Variants in TNC observed in about 807,000 individuals in gnomAD.
The protein encoded by TNC is tenascin.
A neutral mutation model predicts 202.4 loss-of-function variants in TNC; 109 were observed. The observed-to-expected ratio is 0.54, with a 90% confidence interval of 0.46 to 0.63. TNC has a LOEUF of 0.63. TNC is among the 30% of genes least tolerant of loss of function. TNC has a pLI of 0.00. For missense variants in TNC, 2,756 were observed against 2,833.3 expected (o/e 0.97, Z 0.62); for synonymous variants, 1,007 against 1,089.7 (o/e 0.92, Z 1.50).
rs1458561587 is a variant in TNC at position 115,087,100 on chromosome 9, A to G, written c.631T>C (p.Phe211Leu). 3.7e-6 allele frequency: 6 copies of G among 1,614,240 alleles called. No homozygotes were observed. The highest frequency in any genetic ancestry group is 4.2e-6 in the Non-Finnish European group (5 of 1,180,048). Residue 211 changes from phenylalanine to leucine, a missense_variant, in exon 3 of 28, where the codon TTC becomes CTC. Transcript: ENST00000350763. ...IDGQCICDDG[F>L]TGEDCSQLAC... ...AGCTGGCTGCAGTCCTCGCCCGTGA[A>G]GCCGTCGTCACAGATGCACTGCCCA...
chr9:115,064,710 C>G lies in TNC; in HGVS notation c.3424G>C (p.Val1142Leu). Residue 1142 changes from valine to leucine, a missense_variant, in exon 11 of 28, where the codon GTC (valine) becomes CTC (leucine). By Grantham distance (32) the Val-to-Leu change is conservative (BLOSUM62 1). Transcript: ENST00000350763. ...PGLKAATPYT[V>L]SIYGVIQGYR... ...CCCTGGATCACCCCATAGATGGAGACTGTATAAGGCGTAGCAGCCTTGAGG... is the reference window on the plus strand; with the variant it reads ...CCCTGGATCACCCCATAGATGGAGAGTGTATAAGGCGTAGCAGCCTTGAGG... 1 of 1,614,206 alleles carries G rather than the reference C, an allele frequency of 6.2e-7. No homozygotes were observed. The highest frequency in any genetic ancestry group is 1.3e-5 in the African/African-American group (1 of 75,048).
intron 25 of TNC, among the ~76,000 whole-genome samples, chr9:115,028,499 G>T (rs551431586): frequency 6.6e-6 from 1 of 152,290 alleles, no homozygotes; most frequent in African/African-American, 2.4e-5. Flanking sequence ...AGGATTCTAT[G>T]ACTGGTCCAG....
At chr9:115,052,960 G>A (rs1455001579) in intron 15 of TNC, 1 of 702,704 alleles carries the variant, frequency 1.4e-6, no homozygotes, top group Non-Finnish European at 2.6e-6. Flanking sequence ...ATGACATGTT[G>A]AAGCTTTTTG....
intron 27 of TNC, among the ~76,000 whole-genome samples, chr9:115,022,941 G>A (rs1484189634): frequency 6.6e-6 from 1 of 151,292 alleles, no homozygotes; most frequent in Non-Finnish European, 1.5e-5. Flanking sequence ...ATATTGAAAA[G>A]CAACAGGTCC....
intron 17 of TNC, among the ~76,000 whole-genome samples, chr9:115,042,848 T>A (rs1483032862): frequency 6.6e-6 from 1 of 152,176 alleles, no homozygotes; most frequent in Non-Finnish European, 1.5e-5. Context: ...TGTGATGTGA[T>A]CTTTCTGGGT....
intron 11 of TNC, 131 bp from the exon 12 acceptor site, chr9:115,064,199 T>G (rs1295344067): frequency 1.1e-6 from 1 of 900,536 alleles, no homozygotes; most frequent in Non-Finnish European, 1.6e-6. Flanking sequence ...ACATGCATCA[T>G]GCAACTCTTT....
chr9:115,099,972 T>A lies in TNC; in HGVS notation c.-136-8818A>T, dbSNP rs533332941. Among the ~76,000 whole-genome samples, 7 of 152,308 alleles carry A rather than the reference T, an allele frequency of 4.6e-5. No homozygotes were observed. In the South Asian group the frequency reaches 6.2e-4, roughly 14 times the overall value. ...CAGCCCTGGTTTTCCTGTTATCCTA[T>A]CTCTTCTAACTCAGTAGCAAGAAAA... On this transcript the variant is annotated intron_variant, in intron 1 of 27. Coordinates refer to ENST00000350763, the MANE Select transcript of TNC (RefSeq NM_002160.4).
intron 17 of TNC, among the ~76,000 whole-genome samples, chr9:115,043,268 AG>A (rs751365394): frequency 2.6e-5 from 4 of 152,064 alleles, no homozygotes; most frequent in East Asian, 1.9e-4. Flanking sequence ...AAATTCAGCA[AG>A]GGTTTTTTTT....
At chr9:115,021,458 T>C (rs1369740877) in intron 27 of TNC, among the ~76,000 whole-genome samples, 191 bp from the exon 28 acceptor site, 2 of 152,224 alleles carry the variant, frequency 1.3e-5, no homozygotes, top group Admixed American at 1.3e-4. Flanking sequence ...GTGGAAACTT[T>C]CAAAGGAACT....
intron 17 of TNC, among the ~76,000 whole-genome samples, chr9:115,045,541 A>ATTTTTTTTTT (rs61415443): frequency 1.8e-5 from 2 of 110,116 alleles, no homozygotes; most frequent in Non-Finnish European, 3.6e-5. Flanking sequence ...TAAGTTTTTG[A>ATTTTTTTTTT]TTTTTTTTTT....
chr9:115,089,537 G>C (rs1035849992), intron 2 of TNC, among the ~76,000 whole-genome samples: 29 of 150,816 alleles, frequency 1.9e-4, no homozygotes, highest in African/African-American at 7.1e-4. Flanking sequence ...TTTTGCTCTT[G>C]TCACTCAGGC....
chr9:115,026,642 C>T lies in TNC; in HGVS notation c.6223G>A (p.Asp2075Asn), dbSNP rs1829504400. Residue 2075 changes from aspartate (D) to asparagine (N), a missense_variant, in exon 26 of 28, where the codon GAC becomes AAC. Physicochemically the swap from Asp to Asn is conservative, Grantham distance 23. Transcript: ENST00000350763. ...TAQGQYELRV[D>N]LRDHGETAFA... ...GCTGTCTCCCCATGGTCCCGCAGGT[C>T]CACCCGGAGCTCGTACTGCCCCTGG... 1 of 1,613,860 alleles carries T rather than the reference C, an allele frequency of 6.2e-7. No individual in the cohort carries two copies.
chr9:115,069,383 T>A (rs1056226151), intron 10 of TNC, among the ~76,000 whole-genome samples: 2 of 147,702 alleles, frequency 1.4e-5, no homozygotes, highest in East Asian at 4.0e-4. Context: ...TTTATAAGAG[T>A]ACAAAAGCAG....
At chr9:115,101,242 C>T (rs567559338) in intron 1 of TNC, among the ~76,000 whole-genome samples, 15 of 152,336 alleles carry the variant, frequency 9.8e-5, no homozygotes, top group South Asian at 4.1e-4. Flanking sequence ...GATGAAGTCT[C>T]GCTCTGTTGC....
chr9:115,069,758 C>T (rs572031305), intron 10 of TNC, among the ~76,000 whole-genome samples: 19 of 8,064 alleles, frequency 2.4e-3, no homozygotes, highest in Non-Finnish European at 2.1e-3. Flanking sequence ...CTCCCTCCCT[C>T]CCTCCCTCCC....
intron 3 of TNC, among the ~76,000 whole-genome samples, chr9:115,085,576 G>A (rs1834645585): frequency 6.6e-6 from 1 of 152,266 alleles, no homozygotes; most frequent in South Asian, 2.1e-4. Flanking sequence ...CTATGTAGAT[G>A]AGTTAGGCAG....
At position 115,040,932 on chromosome 9, in the gene TNC, C is replaced by T. The variant is rs773686426; in HGVS notation, c.5392+9G>A. On this transcript the variant is annotated intron_variant, in intron 19 of 27. Coordinates refer to ENST00000350763, the MANE Select transcript of TNC (RefSeq NM_002160.4). ...ACACACACACACACACACAACCCCA[C>T]CAACTCACCTGTGGTGAATGACCCT... 4.3e-6 allele frequency: 7 copies of T among 1,609,334 alleles called. No homozygotes were observed. The highest frequency in any genetic ancestry group is 5.1e-6 in the Non-Finnish European group (6 of 1,177,490).
chr9:115,096,461 T>G (rs2133902651), intron 1 of TNC, among the ~76,000 whole-genome samples: 1 of 152,304 alleles, frequency 6.6e-6, no homozygotes, highest in Middle Eastern at 3.4e-3. Flanking sequence ...GAAGTTTTAT[T>G]GAGCAGTACT....
intron 13 of TNC, among the ~76,000 whole-genome samples, chr9:115,061,271 A>G (rs1832524313): frequency 6.6e-6 from 1 of 152,190 alleles, no homozygotes; most frequent in South Asian, 2.1e-4. Context: ...AAGAGGGGTT[A>G]TTTTCAAACT....
Sources: allele counts gnomAD v4.1 joint callset (sites outside exome capture counted in the v4.1 genomes callset), GRCh38; gene constraint gnomAD v4.1.1; transcripts MANE v1.5; gene names NCBI Gene and HGNC (gene_info 2026-07-23, HGNC 2026-07-21).